CSMD1: variants seen among roughly 807,000 people sequenced by gnomAD.
The protein encoded by CSMD1 is CUB and sushi domain-containing protein 1.
Under a neutral mutation model 417.5 loss-of-function variants are expected in CSMD1, and 213 were observed. The ratio of observed to expected loss-of-function variants is 0.51; its 90% CI spans 0.46 to 0.57. The LOEUF is 0.57. Ranked by LOEUF, CSMD1 falls within the 20% of genes least tolerant of loss-of-function variation. The probability of loss-of-function intolerance (pLI) is 0.00; values close to 1 mark genes in which losing one functional copy is unlikely to be tolerated. For synonymous variants in CSMD1, 2,862 were observed against 1,736.8 expected (o/e 1.65, Z -16.11); for missense variants, 6,923 against 4,529.7 (o/e 1.53, Z -15.17).
intron 17 of CSMD1, among the ~76,000 whole-genome samples, chr8:3,390,383 A>G (rs1450620974): frequency 6.8e-6 from 1 of 146,062 alleles, no homozygotes; most frequent in Non-Finnish European, 1.5e-5. Flanking sequence ...AAAAAAAGGA[A>G]TTTTGTAGCA....
chr8:3,320,829 A>G (rs984275226), intron 23 of CSMD1, among the ~76,000 whole-genome samples: 2 of 152,230 alleles, frequency 1.3e-5, no homozygotes, highest in Non-Finnish European at 2.9e-5. Flanking sequence ...GCGAGGGCGC[A>G]GGGTCATCCT....
At position 4,260,740 on chromosome 8, in the gene CSMD1, T is replaced by G. The variant is rs114408608; in HGVS notation, c.415+159213A>C. ...TATCTTCTTATAATATTATCATACT[T>G]GGTTTAAACAATTTAGGCTAAGTTA... On this transcript the variant is annotated intron_variant, in intron 3 of 69. Transcript: ENST00000635120. 5.6e-3 allele frequency among the ~76,000 whole-genome samples: 851 copies of G among 152,302 alleles called. 6 individuals carry two copies. Among genetic ancestry groups the G allele is most frequent in the African/African-American group, 0.02 (814 of 41,586 alleles).
intron 1 of CSMD1, among the ~76,000 whole-genome samples, chr8:4,972,692 G>A (rs1451852560): frequency 6.8e-6 from 1 of 146,432 alleles, no homozygotes; most frequent in Non-Finnish European, 1.5e-5. Flanking sequence ...CAACAACCCT[G>A]AATTTAAAAC....
rs142017764 is a variant in CSMD1, at chr8:4,237,011, C to A, written c.415+182942G>T. On this transcript the variant is annotated intron_variant, in intron 3 of 69. Transcript: ENST00000635120. ...CTCACACACACAAGATCTTAAATCG[C>A]GCTCCATTGCTTCATGGATATATGT... Among the ~76,000 whole-genome samples the A allele has an allele frequency of 8.1e-4, 124 of 152,280 alleles. 4 individuals carry two copies. The East Asian group carries it at 0.019, about 23-fold the overall frequency.
At chr8:3,256,321 A>AAAAG (rs772789417) in intron 26 of CSMD1, among the ~76,000 whole-genome samples, 3 of 96,422 alleles carry the variant, frequency 3.1e-5, no homozygotes, top group Non-Finnish European at 7.1e-5. Flanking sequence ...AAAAAAAAAA[A>AAAAG]AAAAGAGAAG....
At chr8:4,975,065 C>T (rs1015070514) in intron 1 of CSMD1, among the ~76,000 whole-genome samples, 6 of 152,026 alleles carry the variant, frequency 3.9e-5, no homozygotes, top group Non-Finnish European at 8.8e-5. Flanking sequence ...AGAGGCTTCT[C>T]CCCAAAATCT....
intron 2 of CSMD1, among the ~76,000 whole-genome samples, chr8:4,427,756 C>G (rs1409491483): frequency 6.6e-6 from 1 of 152,074 alleles, no homozygotes; most frequent in Non-Finnish European, 1.5e-5. Context: ...ATATAAATCT[C>G]TCAATAGAAA....
intron 3 of CSMD1, among the ~76,000 whole-genome samples, chr8:4,355,484 A>T (rs2128904114): frequency 6.6e-6 from 1 of 152,274 alleles, no homozygotes; most frequent in African/African-American, 2.4e-5. Flanking sequence ...TTTTATTAAA[A>T]GTAGAGTGAA....
chr8:4,930,831 G>C (rs1197192820), intron 1 of CSMD1, among the ~76,000 whole-genome samples: 7 of 152,172 alleles, frequency 4.6e-5, no homozygotes, highest in African/African-American at 1.7e-4. Flanking sequence ...TGTGACCATT[G>C]TAAATACAGG....
intron 5 of CSMD1, among the ~76,000 whole-genome samples, chr8:3,875,352 G>C (rs1376484728): frequency 6.6e-6 from 1 of 152,214 alleles, no homozygotes; most frequent in East Asian, 1.9e-4. Context: ...TAGATACTAA[G>C]AAGGACAGTG....
At position 2,938,307 on chromosome 8, in the gene CSMD1, G is replaced by A. The variant is rs1022698641; in HGVS notation, c.*278C>T. 16 of 362,372 alleles carry A rather than the reference G, an allele frequency of 4.4e-5. No homozygotes were observed. The highest frequency in any genetic ancestry group is 4.0e-4 in the Admixed American group (9 of 22,466). The allele number at this position is 362,372 out of a possible 1,614,324, so 22.4% of individuals were successfully genotyped here. On this transcript the variant is annotated 3_prime_UTR_variant, in exon 70 of 70. Transcript: ENST00000635120. Reference sequence around the variant, plus strand: ...GAGGCATTGAGTATGACGTGTTGGCGCGACGTGGCAGTCTTCCTGGAGTGT... The same window carrying A: ...GAGGCATTGAGTATGACGTGTTGGCACGACGTGGCAGTCTTCCTGGAGTGT...
intron 26 of CSMD1, among the ~76,000 whole-genome samples, chr8:3,260,880 A>G (rs1046025725): frequency 6.6e-6 from 1 of 152,182 alleles, no homozygotes; most frequent in Non-Finnish European, 1.5e-5. Flanking sequence ...CTGGGAGAAA[A>G]TGCTTGAAAG....
At chr8:4,240,699 C>G (rs1452156760) in intron 3 of CSMD1, among the ~76,000 whole-genome samples, 2 of 152,158 alleles carry the variant, frequency 1.3e-5, no homozygotes, top group Non-Finnish European at 2.9e-5. Context: ...AAATGTACCA[C>G]AATTTAAAAA....
rs769613092 is a variant in CSMD1, at chr8:3,930,343, A to G, written c.818+67560T>C. ...ACACTCTTAAATATCTGCCAGCCATAATAAAGAAATCAATGTATTTTATGT... is the reference window on the plus strand; with the variant it reads ...ACACTCTTAAATATCTGCCAGCCATGATAAAGAAATCAATGTATTTTATGT... On this transcript the variant is annotated intron_variant, in intron 5 of 69. Transcript: ENST00000635120. 2.3e-4 allele frequency among the ~76,000 whole-genome samples: 35 copies of G among 150,672 alleles called. 4 individuals carry two copies. The highest frequency in any genetic ancestry group is 5.4e-4 in the African/African-American group (22 of 40,868).
At chr8:4,652,341 C>T (rs12115069) in intron 1 of CSMD1, among the ~76,000 whole-genome samples, 9,530 of 152,078 alleles carry the variant, frequency 0.063, 415 homozygotes, top group East Asian at 0.19. Context: ...GTATTAGCAT[C>T]AGTGAAGGTC....
intron 5 of CSMD1, among the ~76,000 whole-genome samples, chr8:3,908,388 C>G (rs898262427): frequency 5.3e-5 from 8 of 152,282 alleles, no homozygotes; most frequent in African/African-American, 1.9e-4. Context: ...CAATGGGAAT[C>G]TGATAAATTT....
At chr8:3,655,919 G>A (rs911804243) in intron 7 of CSMD1, among the ~76,000 whole-genome samples, 1 of 152,162 alleles carries the variant, frequency 6.6e-6, no homozygotes, top group Non-Finnish European at 1.5e-5. Context: ...TGCCAGGAAT[G>A]AAGAGCAGGA....
chr8:4,603,401 A>G (rs1211427294), intron 2 of CSMD1, among the ~76,000 whole-genome samples: 1 of 152,054 alleles, frequency 6.6e-6, no homozygotes, highest in Non-Finnish European at 1.5e-5. Context: ...AATGTGGTGA[A>G]CCTCCATTAT....
At chr8:4,279,048 A>C (rs146859682) in intron 3 of CSMD1, among the ~76,000 whole-genome samples, 2,773 of 152,314 alleles carry the variant, frequency 0.018, 45 homozygotes, top group Non-Finnish European at 0.028. Context: ...CTTTCCATAA[A>C]CATCACTCTA....
Sources: gnomAD v4.1 joint callset for allele counts (sites outside exome capture counted in the v4.1 genomes callset) on GRCh38, gnomAD v4.1.1 for gene constraint, MANE v1.5 for transcripts, NCBI Gene and HGNC (gene_info 2026-07-23, HGNC 2026-07-21) for gene names.